FAM72B: variants seen among roughly 807,000 people sequenced by gnomAD.
The protein encoded by FAM72B is RUMY family member 2.
Under a neutral mutation model 12.6 loss-of-function variants are expected in FAM72B, and 4 were observed. That is an observed-to-expected ratio of 0.32 (90% CI 0.16 to 0.73). The LOEUF (loss-of-function observed/expected upper bound fraction) is 0.73. Ranked by LOEUF, FAM72B falls within the 30% of genes least tolerant of loss-of-function variation. The probability of loss-of-function intolerance (pLI) is 0.67; values close to 1 mark genes in which losing one functional copy is unlikely to be tolerated. For synonymous variants in FAM72B, 13 were observed against 53.9 expected, an observed-to-expected ratio of 0.24 and a Z score of 3.32; for missense variants, 61 against 158.4, an observed-to-expected ratio of 0.39 and a Z score of 3.30.
intron 3 of FAM72B, among the ~76,000 whole-genome samples, chr1:121,176,275 T>A (rs1654211350): frequency 6.9e-6 from 1 of 145,008 alleles, no homozygotes; most frequent in African/African-American, 2.6e-5. Context: ...ATTCAAGTGA[T>A]CCTCCCACCT....
In FAM72B at chr1:121,183,977, C is replaced by G. The variant is rs1357881170; in HGVS notation, c.-488G>C. 2 of 173,732 alleles carry G rather than the reference C, an allele frequency of 1.2e-5. No homozygotes were observed. The highest frequency in any genetic ancestry group is 5.1e-5 in the African/African-American group (2 of 39,472). The allele number at this position is 173,732 out of a possible 1,614,324, so 10.8% of individuals were successfully genotyped here. A position where few individuals can be genotyped will look rare whatever the true frequency, so the allele number is the denominator to read the frequency against. On this transcript the variant is annotated 5_prime_UTR_variant, in exon 1 of 4. Coordinates refer to ENST00000369390, the MANE Select transcript of FAM72B (RefSeq NM_001100910.2). ...CTGTCGGATCTCGGGCTAAGCATCC[C>G]TACCCACGCCTCCTCTTCCCAGGAT...
Position 121,177,294 on chromosome 1 carries a change from C to T in FAM72B, c.269G>A (p.Ser90Asn), listed in dbSNP as rs79611030. 7.8e-4 allele frequency: 1,250 copies of T among 1,611,712 alleles called. 14 individuals carry two copies. In the African/African-American group the frequency reaches 0.014, roughly 18 times the overall value. The change falls in exon 3 of 4, where the codon AGT becomes AAT. Residue 90 changes from serine (S) to asparagine (N), a missense_variant. Around this residue, in one of 2 missense-constraint regions of FAM72B, gnomAD observed 49 missense variants for 80.4 expected, o/e 0.61. Transcript: ENST00000369390. ...GTTGTTGCAGGAAGGAAGACAGGAA[C>T]TACATGGAACAATCACATGATAACC... is the stretch of plus-strand genomic sequence containing the variant. ...IVGYHVIVPC[S>N]SCLPSCNNGH...
At chr1:121,180,834 G>A (rs1389906097) in intron 2 of FAM72B, among the ~76,000 whole-genome samples, 76 of 151,952 alleles carry the variant, frequency 5.0e-4, no homozygotes, top group Non-Finnish European at 1.3e-4. Flanking sequence ...ACTCCAGCCT[G>A]AGCAACAGTA....
At chr1:121,174,139 ACT>A (rs1201562930) in intron 3 of FAM72B, among the ~76,000 whole-genome samples, 4 of 112,754 alleles carry the variant, frequency 3.5e-5, no homozygotes, top group South Asian at 3.5e-4. Flanking sequence ...CTAGGTCTTA[ACT>A]CTCTGCAATT....
chr1:121,180,295 A>T (rs1654305315), intron 2 of FAM72B, among the ~76,000 whole-genome samples: 1 of 84,778 alleles, frequency 1.2e-5, no homozygotes, highest in Admixed American at 1.3e-4. Flanking sequence ...TAATCCCAGC[A>T]CTTTGGCAGG....
intron 3 of FAM72B, among the ~76,000 whole-genome samples, chr1:121,174,646 T>C (rs61803139): frequency 2.7e-5 from 4 of 150,830 alleles, no homozygotes; most frequent in Admixed American, 2.6e-4. Flanking sequence ...GGATTACAGG[T>C]GTGAGCCACC....
intron 3 of FAM72B, among the ~76,000 whole-genome samples, chr1:121,169,852 C>G (rs1283896134): frequency 6.6e-6 from 1 of 151,918 alleles, no homozygotes; most frequent in Admixed American, 6.6e-5. Flanking sequence ...ACTAAACATA[C>G]AGTAGAGGAT....
At chr1:121,181,007 T>C (rs1654322019) in intron 2 of FAM72B, among the ~76,000 whole-genome samples, 1 of 151,974 alleles carries the variant, frequency 6.6e-6, no homozygotes, top group Non-Finnish European at 1.5e-5. Flanking sequence ...AATCCAGGTG[T>C]TTCTCCCCCC....
chr1:121,174,454 G>A (rs868914854), intron 3 of FAM72B, among the ~76,000 whole-genome samples: 2,723 of 138,900 alleles, frequency 0.02, 91 homozygotes, highest in African/African-American at 0.069. Flanking sequence ...CGCAACCTCC[G>A]CCTCCCGGGT....
Position 121,183,591 on chromosome 1 carries a change from T to G in FAM72B, c.-102A>C. 1 of 1,607,980 alleles carries G rather than the reference T, an allele frequency of 6.2e-7. No homozygotes were observed. The highest frequency in any genetic ancestry group is 8.5e-7 in the Non-Finnish European group (1 of 1,178,138). ...AGGCTAAAATTCAAGTTGCGGGACC[T>G]AGAGCTTTTCTAAGTCCTAATATTG... is the stretch of plus-strand genomic sequence containing the variant. On this transcript the variant is annotated 5_prime_UTR_variant, in exon 1 of 4. Transcript: ENST00000369390.
rs369839212 is a variant in FAM72B at position 121,177,273 on chromosome 1, T to C, written c.290A>G (p.Asn97Ser). 5.6e-6 allele frequency: 9 copies of C among 1,611,690 alleles called. No individual in the cohort carries two copies. The South Asian group carries it at 8.8e-5, about 16-fold the overall frequency. Residue 97 changes from asparagine to serine, a missense_variant, in exon 3 of 4, where the codon AAC (asparagine) becomes AGC (serine). By Grantham distance (46) the Asn-to-Ser change is conservative (BLOSUM62 1). Coordinates refer to ENST00000369390, the MANE Select transcript of FAM72B (RefSeq NM_001100910.2). ...GTGAAACATCCAGAAGTGTCCGTTGTTGCAGGAAGGAAGACAGGAACTACA... is the reference window on the plus strand; with the variant it reads ...GTGAAACATCCAGAAGTGTCCGTTGCTGCAGGAAGGAAGACAGGAACTACA... ...VPCSSCLPSCNNGHFWMFHSQ... is the reference protein window; with the variant it reads ...VPCSSCLPSCSNGHFWMFHSQ...
In FAM72B at chr1:121,168,867, G is replaced by T. The variant is rs782496544; in HGVS notation, c.356-32C>A. The T allele has an allele frequency of 1.7e-5, 27 of 1,588,932 alleles. No individual in the cohort carries two copies. In the East Asian group the frequency reaches 3.4e-4, roughly 20 times the overall value. ...ATAAAAAATCATAAAATTCTTTAAT[G>T]CTTACTACTGTTATAACTCAGAACA... On this transcript the variant is annotated intron_variant, in intron 3 of 3. Coordinates refer to ENST00000369390, the MANE Select transcript of FAM72B (RefSeq NM_001100910.2).
At chr1:121,169,561 G>A (rs1654046202) in intron 3 of FAM72B, among the ~76,000 whole-genome samples, 1 of 151,982 alleles carries the variant, frequency 6.6e-6, no homozygotes, top group African/African-American at 2.4e-5. Context: ...GGAGGGTTCA[G>A]GGAGAAGTCC....
At position 121,171,644 on chromosome 1, in the gene FAM72B, G is replaced by GA. The variant is rs1654093820; in HGVS notation, c.356-2810dup. 1.8e-4 allele frequency among the ~76,000 whole-genome samples: 26 copies of GA among 143,526 alleles called. No individual in the cohort carries two copies. In the South Asian group the frequency reaches 5.9e-3, roughly 32 times the overall value. 94.2% of individuals were successfully genotyped at this position (143,526 alleles called of 152,430 possible). ...CTGTGTTTTGAATTCTGTAAAGCAG[G>GA]AAAAATACTATCAAAGCAGAAACTT... On this transcript the variant is annotated intron_variant, in intron 3 of 3. Coordinates refer to ENST00000369390, the MANE Select transcript of FAM72B (RefSeq NM_001100910.2).
At chr1:121,179,838 A>T (rs1304885384) in intron 2 of FAM72B, among the ~76,000 whole-genome samples, 2 of 147,926 alleles carry the variant, frequency 1.4e-5, no homozygotes, top group Non-Finnish European at 2.9e-5. Context: ...AAAAAAAAAA[A>T]AAAAAAGAAG....
chr1:121,180,368 C>T (rs1219490135), intron 2 of FAM72B, among the ~76,000 whole-genome samples: 2 of 121,692 alleles, frequency 1.6e-5, no homozygotes, highest in East Asian at 4.4e-4. Context: ...ATGGAGAAAT[C>T]CTGTCTCTAC....
At chr1:121,179,708 G>A (rs1159558626) in intron 2 of FAM72B, among the ~76,000 whole-genome samples, 1 of 145,754 alleles carries the variant, frequency 6.9e-6, no homozygotes, top group Non-Finnish European at 1.5e-5. Flanking sequence ...CGTGCCTGTA[G>A]TCTCAGCTAC....
chr1:121,179,659 C>G (rs1356985868), intron 2 of FAM72B, among the ~76,000 whole-genome samples: 2 of 151,108 alleles, frequency 1.3e-5, no homozygotes, highest in African/African-American at 4.9e-5. Context: ...GAAACCCTGT[C>G]TCTACTAAAA....
At chr1:121,169,500 A>G (rs1654044848) in intron 3 of FAM72B, among the ~76,000 whole-genome samples, 1 of 149,860 alleles carries the variant, frequency 6.7e-6, no homozygotes, top group Non-Finnish European at 1.5e-5. Context: ...TATTTTAATG[A>G]TGTTTAAGAA....
Sources: gnomAD v4.1 joint callset for allele counts (sites outside exome capture counted in the v4.1 genomes callset) on GRCh38, gnomAD v4.1.1 for gene constraint, gnomAD v4.1.1 regional missense constraint, MANE v1.5 for transcripts, NCBI Gene and HGNC (gene_info 2026-07-23, HGNC 2026-07-21) for gene names.